Variants in ASAP1 observed in about 807,000 individuals in gnomAD.
ASAP1 encodes arf-GAP with SH3 domain, ANK repeat and PH domain-containing protein 1.
A neutral mutation model predicts 145.2 loss-of-function variants in ASAP1; 43 were observed. The observed-to-expected ratio is 0.30, with a 90% CI of 0.23 to 0.38. The LOEUF (loss-of-function observed/expected upper bound fraction) is 0.38, where lower values mean the gene tolerates loss of function less well. Ranked by LOEUF, ASAP1 falls within the 10% of genes least tolerant of loss-of-function variation. The pLI, the probability that ASAP1 is intolerant of heterozygous loss-of-function variation, is 1.00. For missense variants in ASAP1, 1,018 were observed against 1,355.3 expected, an observed-to-expected ratio of 0.75 and a Z score of 3.91; for synonymous variants, 546 against 515.5, an observed-to-expected ratio of 1.06 and a Z score of -0.80.
Position 130,060,643 on chromosome 8 carries a change from T to C in ASAP1, c.3128A>G (p.Asp1043Gly), listed in dbSNP as rs763684065. 2.5e-6 allele frequency: 4 copies of C among 1,613,786 alleles called. No individual in the cohort carries two copies. Among genetic ancestry groups the C allele is most frequent in the Non-Finnish European group, 3.4e-6 (4 of 1,179,990 alleles). The change falls in exon 28 of 30, where the codon GAC (aspartate) becomes GGC (glycine). Residue 1043 changes from aspartate to glycine, a missense_variant. By Grantham distance (94) the Asp-to-Gly change is moderately conservative. This residue lies in a region of ASAP1 where 139 missense variants were observed against 131.0 expected (regional missense o/e 1.06). Coordinates refer to ENST00000518721, the MANE Select transcript of ASAP1 (RefSeq NM_018482.4). ...CAGAGTAGGCGTGAGGTCGTTGGAGTCTTCAGATGCTTGCTTTTGGATGGC... is the reference window on the plus strand; with the variant it reads ...CAGAGTAGGCGTGAGGTCGTTGGAGCCTTCAGATGCTTGCTTTTGGATGGC... ...RDAIQKQASE[D>G]SNDLTPTLPE...
chr8:130,345,501 A>G (rs1825654227), intron 3 of ASAP1, among the ~76,000 whole-genome samples: 1 of 152,210 alleles, frequency 6.6e-6, no homozygotes, highest in African/African-American at 2.4e-5. Flanking sequence ...TGCTAACCAG[A>G]TTCTCTTCCG....
rs183205087 is a variant in ASAP1 at position 130,256,039 on chromosome 8, G to C, written c.187-19045C>G. On this transcript the variant is annotated intron_variant, in intron 3 of 29. Transcript: ENST00000518721. ...CAATTCAGACAGAATATCTTATTAG[G>C]AAGAGAGTGAGAGAATGTTCACAGA... 1.4e-4 allele frequency among the ~76,000 whole-genome samples: 21 copies of C among 152,214 alleles called. No homozygotes were observed. In the East Asian group the frequency reaches 3.7e-3, roughly 27 times the overall value.
chr8:130,136,880 G>T lies in ASAP1; in HGVS notation c.1168+71C>A. On this transcript the variant is annotated intron_variant, in intron 14 of 29. Coordinates refer to ENST00000518721, the MANE Select transcript of ASAP1 (RefSeq NM_018482.4). ...AGGAGCCCTGCTTGGAAAAGCTGCT[G>T]ACCTGGAGAATGGAAATGTGCAGGT... 3 of 1,308,884 alleles carry T rather than the reference G, an allele frequency of 2.3e-6. No individual in the cohort carries two copies. The South Asian group carries it at 3.5e-5, about 15-fold the overall frequency. 81.1% of individuals were successfully genotyped at this position (1,308,884 alleles called of 1,614,324 possible). A position where few individuals can be genotyped will look rare whatever the true frequency, so the allele number is the denominator to read the frequency against.
intron 2 of ASAP1, among the ~76,000 whole-genome samples, chr8:130,371,020 A>G (rs1170222968): frequency 1.3e-5 from 2 of 152,266 alleles, no homozygotes; most frequent in African/African-American, 2.4e-5. Context: ...ACTGAATTGT[A>G]TATCTTAAAA....
chr8:130,096,728 G>C lies in ASAP1; in HGVS notation c.2402-4585C>G, dbSNP rs763232226. Among the ~76,000 whole-genome samples, 3 of 152,128 alleles carry C rather than the reference G, an allele frequency of 2.0e-5. No individual in the cohort carries two copies. In the South Asian group the frequency reaches 6.2e-4, roughly 32 times the overall value. Reference sequence around the variant, plus strand: ...TCATCTAGGAGCATGTGTTTTCCACGAGAAAGCATTCCCTGCCCTTAAACA... The same window carrying C: ...TCATCTAGGAGCATGTGTTTTCCACCAGAAAGCATTCCCTGCCCTTAAACA... On this transcript the variant is annotated intron_variant, in intron 24 of 29. Coordinates refer to ENST00000518721, the MANE Select transcript of ASAP1 (RefSeq NM_018482.4).
intron 27 of ASAP1, among the ~76,000 whole-genome samples, chr8:130,065,114 A>C (rs2097427961): frequency 6.6e-6 from 1 of 152,052 alleles, no homozygotes; most frequent in Admixed American, 6.6e-5. Flanking sequence ...CCTGGGCTCA[A>C]GTGATCTACC....
chr8:130,188,042 C>T (rs1164708106), intron 6 of ASAP1, 67 bp downstream of exon 6: 2 of 1,178,128 alleles, frequency 1.7e-6, no homozygotes, highest in African/African-American at 1.5e-5. Context: ...CTACTATGAT[C>T]TTGAAAGAGG....
chr8:130,201,928 CCTT>C (rs1815896056), intron 5 of ASAP1, among the ~76,000 whole-genome samples: 1 of 152,168 alleles, frequency 6.6e-6, no homozygotes, highest in African/African-American at 2.4e-5. Flanking sequence ...TCAGGACACA[CCTT>C]CTTAACACAA....
chr8:130,187,034 G>A (rs1332738182), intron 7 of ASAP1, among the ~76,000 whole-genome samples: 1 of 152,154 alleles, frequency 6.6e-6, no homozygotes, highest in Non-Finnish European at 1.5e-5. Flanking sequence ...AAATAGCACA[G>A]GACATGCAAC....
intron 3 of ASAP1, among the ~76,000 whole-genome samples, chr8:130,353,699 G>A (rs538365504): frequency 2.0e-5 from 3 of 152,218 alleles, no homozygotes; most frequent in Admixed American, 6.5e-5. Context: ...ATGAAACTGC[G>A]TCTCTATTAG....
chr8:130,404,936 G>C (rs1828957751), intron 1 of ASAP1, among the ~76,000 whole-genome samples: 1 of 151,884 alleles, frequency 6.6e-6, no homozygotes, highest in African/African-American at 2.4e-5. Context: ...TCAGATCAAA[G>C]ACATGTGGAG....
chr8:130,352,857 A>T (rs1256737488), intron 3 of ASAP1, among the ~76,000 whole-genome samples: 2 of 152,260 alleles, frequency 1.3e-5, no homozygotes, highest in African/African-American at 4.8e-5. Context: ...ACATTTCTAT[A>T]TCTTCAGAAA....
intron 24 of ASAP1, among the ~76,000 whole-genome samples, chr8:130,096,990 G>C (rs1331677680): frequency 6.6e-6 from 1 of 151,792 alleles, no homozygotes; most frequent in Non-Finnish European, 1.5e-5. Flanking sequence ...GCTGGGCATG[G>C]TGGCATGCAC....
At chr8:130,228,984 A>G (rs180707803) in intron 4 of ASAP1, among the ~76,000 whole-genome samples, 29 of 152,268 alleles carry the variant, frequency 1.9e-4, no homozygotes, top group Admixed American at 1.7e-3. Context: ...TACATGTCTG[A>G]TCAATTACCC....
intron 1 of ASAP1, among the ~76,000 whole-genome samples, chr8:130,403,966 G>GT: frequency 6.6e-6 from 1 of 152,232 alleles, no homozygotes; most frequent in East Asian, 1.9e-4. Context: ...CAGTGCCTAG[G>GT]TAACTCCTGT....
chr8:130,068,058 C>T (rs900551758), intron 27 of ASAP1, among the ~76,000 whole-genome samples: 1 of 151,876 alleles, frequency 6.6e-6, no homozygotes, highest in East Asian at 1.9e-4. Context: ...ATGTGGTCAC[C>T]CAGGGTATGA....
chr8:130,084,940 C>G (rs2135368304), intron 25 of ASAP1, among the ~76,000 whole-genome samples: 1 of 152,256 alleles, frequency 6.6e-6, no homozygotes, highest in South Asian at 2.1e-4. Context: ...CCATTATTTG[C>G]TCTATATTAA....
chr8:130,305,458 G>C (rs1416224676), intron 3 of ASAP1, among the ~76,000 whole-genome samples: 1 of 152,150 alleles, frequency 6.6e-6, no homozygotes, highest in East Asian at 1.9e-4. Context: ...CCGCCTCCCG[G>C]GTTCAAGCGA....
At chr8:130,394,157 TA>T (rs1406486017) in intron 2 of ASAP1, among the ~76,000 whole-genome samples, 22 of 152,282 alleles carry the variant, frequency 1.4e-4, no homozygotes, top group Admixed American at 1.2e-3. Flanking sequence ...ACAAGAGAGA[TA>T]ACCTTAAACT....
Sources: allele counts gnomAD v4.1 joint callset (sites outside exome capture counted in the v4.1 genomes callset), GRCh38; gene constraint gnomAD v4.1.1; regional missense constraint gnomAD v4.1.1; transcripts MANE v1.5; gene names NCBI Gene and HGNC (gene_info 2026-07-23, HGNC 2026-07-21).